The following KIRREL3 variants were observed in gnomAD, a reference collection of about 807,000 sequenced individuals.
KIRREL3 encodes kirre like nephrin family adhesion molecule 3.
A neutral mutation model predicts 89.7 loss-of-function variants in KIRREL3; 36 were observed. That is an observed-to-expected ratio of 0.40 (90% CI 0.31 to 0.53). KIRREL3 has a LOEUF of 0.53. KIRREL3 is among the 20% of genes least tolerant of loss of function. The probability of loss-of-function intolerance (pLI) is 0.49; values close to 1 mark genes in which losing one functional copy is unlikely to be tolerated. For missense variants in KIRREL3, 864 were observed against 1,056.6 expected (o/e 0.82, Z 2.53); for synonymous variants, 445 against 441.4 (o/e 1.01, Z -0.10).
chr11:126,458,390 G>C (rs1236449977), intron 6 of KIRREL3, among the ~76,000 whole-genome samples: 1 of 151,442 alleles, frequency 6.6e-6, no homozygotes, highest in African/African-American at 2.4e-5. Context: ...ACTACGGTGG[G>C]GTCCTGAGAC....
At chr11:126,972,438 T>C (rs181149513) in intron 1 of KIRREL3, among the ~76,000 whole-genome samples, 2 of 151,904 alleles carry the variant, frequency 1.3e-5, no homozygotes, top group Non-Finnish European at 2.9e-5. Flanking sequence ...CAAGCCACCA[T>C]GATTCCGTCA....
chr11:126,484,762 C>T lies in KIRREL3; in HGVS notation c.434-11296G>A, dbSNP rs1164585031. ...GCTTTCCCCCTCTTCAGACCCTCCC[C>T]GCCTCCACTTAGGTCTATATTAAGA... On this transcript the variant is annotated intron_variant, in intron 4 of 16. Transcript: ENST00000525144. This position sits in a 1 kb window ranked among gnomAD's most constrained non-coding sequence, Gnocchi z 5.2. 6.6e-6 allele frequency among the ~76,000 whole-genome samples: 1 copy of T among 151,970 alleles called. No homozygotes were observed.
chr11:126,528,945 CT>C lies in KIRREL3; in HGVS notation c.134-2259del, dbSNP rs1056105036. On this transcript the variant is annotated intron_variant, in intron 2 of 16. Transcript: ENST00000525144. This position sits in a 1 kb window ranked among gnomAD's most constrained non-coding sequence, Gnocchi z 4.6. The stretch of plus-strand genomic sequence containing the variant: ...CTCATCCTTTTATCTCAAAATCTTT[CT>C]TACAAGAAGGACAGAGTCAAGGCAG... Among the ~76,000 whole-genome samples, 4 of 152,152 alleles carry C rather than the reference CT, an allele frequency of 2.6e-5. No individual in the cohort carries two copies. Among genetic ancestry groups the C allele is most frequent in the Non-Finnish European group, 5.9e-5 (4 of 68,038 alleles).
intron 1 of KIRREL3, among the ~76,000 whole-genome samples, chr11:126,913,408 T>C (rs1463332296): frequency 6.6e-6 from 1 of 152,232 alleles, no homozygotes; most frequent in Admixed American, 6.5e-5. Flanking sequence ...GGAGGATTGC[T>C]GAAGGGTGTC....
At position 126,547,383 on chromosome 11, in the gene KIRREL3, C is replaced by T. The variant is rs550319722; in HGVS notation, c.133+15452G>A. Among the ~76,000 whole-genome samples, 12 of 152,338 alleles carry T rather than the reference C, an allele frequency of 7.9e-5. No individual in the cohort carries two copies. The South Asian group carries it at 1.5e-3, about 18-fold the overall frequency. On this transcript the variant is annotated intron_variant, in intron 2 of 16. Coordinates refer to ENST00000525144, the MANE Select transcript of KIRREL3 (RefSeq NM_032531.4). ...TAGGTCTCATGTAGCTTCTCCCCAC[C>T]GTGTCTAATCACGAAGGCTGCATCT...
intron 1 of KIRREL3, among the ~76,000 whole-genome samples, chr11:126,834,050 T>C (rs1400062176): frequency 6.6e-6 from 1 of 152,234 alleles, no homozygotes; most frequent in Non-Finnish European, 1.5e-5. Context: ...TTGTCTTCTA[T>C]TCATTTAAGA....
chr11:126,910,434 G>A (rs1946771667), intron 1 of KIRREL3, among the ~76,000 whole-genome samples: 1 of 152,134 alleles, frequency 6.6e-6, no homozygotes, highest in Non-Finnish European at 1.5e-5. Flanking sequence ...TTGTCTGTAT[G>A]AGCCAAGAGG....
At chr11:126,735,175 G>A (rs1948760596) in intron 1 of KIRREL3, among the ~76,000 whole-genome samples, 1 of 152,148 alleles carries the variant, frequency 6.6e-6, no homozygotes, top group South Asian at 2.1e-4. Flanking sequence ...CACCTTTTAT[G>A]TCTCTGTAAA....
chr11:126,945,897 T>G (rs1399980364), intron 1 of KIRREL3, among the ~76,000 whole-genome samples: 2 of 152,204 alleles, frequency 1.3e-5, no homozygotes, highest in Non-Finnish European at 2.9e-5. Context: ...TTAAGGTCCC[T>G]TTTAGTTCTA....
chr11:126,446,264 CTCTCTCTT>C (rs1371867611), intron 9 of KIRREL3, among the ~76,000 whole-genome samples: 1 of 43,306 alleles, frequency 2.3e-5, no homozygotes, highest in Non-Finnish European at 5.7e-5. Flanking sequence ...TCTTTTCTTT[CTCTCTCTT>C]TCTTTTCTTT....
At chr11:126,634,676 C>T (rs1471198810) in intron 1 of KIRREL3, among the ~76,000 whole-genome samples, 2 of 152,180 alleles carry the variant, frequency 1.3e-5, no homozygotes, top group Admixed American at 6.5e-5. Flanking sequence ...CTGCTGTGTG[C>T]ACCTGGCAAA....
At chr11:126,426,734 A>G (rs1163674989) in intron 15 of KIRREL3, among the ~76,000 whole-genome samples, 1 of 152,032 alleles carries the variant, frequency 6.6e-6, no homozygotes, top group Non-Finnish European at 1.5e-5. Flanking sequence ...CTGGGCCGGG[A>G]TGTTTCTTCT....
chr11:126,552,420 C>A (rs1009584638), intron 2 of KIRREL3, among the ~76,000 whole-genome samples: 2 of 152,156 alleles, frequency 1.3e-5, no homozygotes, highest in African/African-American at 4.8e-5. Context: ...CCCATCAGGG[C>A]CCTAGGAATT....
chr11:126,785,383 C>T (rs1393844933), intron 1 of KIRREL3, among the ~76,000 whole-genome samples: 1 of 152,166 alleles, frequency 6.6e-6, no homozygotes, highest in Non-Finnish European at 1.5e-5. Context: ...AGACTGGCCC[C>T]ACCTCCTGCA....
rs1455036700 is a variant in KIRREL3 at position 126,978,859 on chromosome 11, C to T, written c.55+21596G>A. Among the ~76,000 whole-genome samples the T allele has an allele frequency of 6.6e-6, 1 of 152,212 alleles. No homozygotes were observed. The highest frequency in any genetic ancestry group is 2.4e-5 in the African/African-American group (1 of 41,470). Reference sequence around the variant, plus strand: ...GCACCCGGGATGCTTATTCTCTTACCTGGCTTCCCTGTTATGCCCTGTGTC... The same window carrying T: ...GCACCCGGGATGCTTATTCTCTTACTTGGCTTCCCTGTTATGCCCTGTGTC... On this transcript the variant is annotated intron_variant, in intron 1 of 16. Transcript: ENST00000525144. This position sits in a 1 kb window ranked among gnomAD's most constrained non-coding sequence, Gnocchi z 4.2.
At chr11:126,862,782 C>T (rs1023541020) in intron 1 of KIRREL3, among the ~76,000 whole-genome samples, 1 of 152,194 alleles carries the variant, frequency 6.6e-6, no homozygotes, top group Non-Finnish European at 1.5e-5. Flanking sequence ...AGCTGAGAGA[C>T]AGAACAGCCA....
At chr11:126,592,440 A>G (rs978878908) in intron 1 of KIRREL3, among the ~76,000 whole-genome samples, 1 of 152,216 alleles carries the variant, frequency 6.6e-6, no homozygotes, top group Non-Finnish European at 1.5e-5. Flanking sequence ...TAGCTAAGAA[A>G]GTGGAAGGAG....
rs993161688 is a variant in KIRREL3, at chr11:126,970,473, C to T, written c.55+29982G>A. Among the ~76,000 whole-genome samples, 10 of 152,262 alleles carry T rather than the reference C, an allele frequency of 6.6e-5. No individual in the cohort carries two copies. The highest frequency in any genetic ancestry group is 2.0e-4 in the Admixed American group (3 of 15,296). ...GACATTAGACAAAAAGTAACCAGTA[C>T]CATCAATCTTTAAAACCCCTACAGT... is the stretch of plus-strand genomic sequence containing the variant. On this transcript the variant is annotated intron_variant, in intron 1 of 16. Coordinates refer to ENST00000525144, the MANE Select transcript of KIRREL3 (RefSeq NM_032531.4). This position sits in a 1 kb window ranked among gnomAD's most constrained non-coding sequence, Gnocchi z 4.4.
At chr11:126,828,661 C>T (rs1460649660) in intron 1 of KIRREL3, among the ~76,000 whole-genome samples, 5 of 152,146 alleles carry the variant, frequency 3.3e-5, no homozygotes, top group African/African-American at 9.7e-5. Flanking sequence ...CTGTCCTAGT[C>T]TTGCACGTAG....
Sources: allele counts gnomAD v4.1 joint callset (sites outside exome capture counted in the v4.1 genomes callset), GRCh38; gene constraint gnomAD v4.1.1; non-coding constraint Gnocchi (gnomAD v3.1); transcripts MANE v1.5; gene names NCBI Gene and HGNC (gene_info 2026-07-23, HGNC 2026-07-21).